PARD3B: variants seen among roughly 807,000 people sequenced by gnomAD.
The protein encoded by PARD3B is partitioning defective 3 homolog B.
In PARD3B, 103 loss-of-function variants were observed where a neutral mutation model predicts 130.2. The observed-to-expected ratio is 0.79, with a 90% CI of 0.67 to 0.93. The LOEUF (loss-of-function observed/expected upper bound fraction) is 0.93. Among genes scored for constraint, PARD3B ranks in the 40% least tolerant of loss-of-function variants. The pLI is 0.00. For missense variants in PARD3B, 1,609 were observed against 1,499.2 expected (o/e 1.07, Z -1.21); for synonymous variants, 583 against 553.2 (o/e 1.05, Z -0.76).
intron 15 of PARD3B, among the ~76,000 whole-genome samples, chr2:205,232,378 T>TA (rs1271056652): frequency 6.6e-6 from 1 of 152,136 alleles, no homozygotes; most frequent in African/African-American, 2.4e-5. Flanking sequence ...AAGGTTGTAG[T>TA]AAACTGTGAT....
chr2:204,804,125 G>T (rs1303693339), intron 2 of PARD3B, among the ~76,000 whole-genome samples: 1 of 152,174 alleles, frequency 6.6e-6, no homozygotes, highest in East Asian at 1.9e-4. Flanking sequence ...CTACTCAGGA[G>T]GCTGAGGTTA....
intron 2 of PARD3B, among the ~76,000 whole-genome samples, chr2:204,944,220 C>T (rs1384729711): frequency 6.6e-6 from 1 of 152,178 alleles, no homozygotes; most frequent in Non-Finnish European, 1.5e-5. Context: ...AAGCAGGACA[C>T]ATTTTTAAAG....
At chr2:204,618,770 G>A (rs561318470) in intron 1 of PARD3B, among the ~76,000 whole-genome samples, 1 of 152,214 alleles carries the variant, frequency 6.6e-6, no homozygotes, top group African/African-American at 2.4e-5. Flanking sequence ...AGGAAAAGTA[G>A]GACTGAACCC....
At chr2:204,564,748 G>C (rs959627422) in intron 1 of PARD3B, among the ~76,000 whole-genome samples, 1 of 152,074 alleles carries the variant, frequency 6.6e-6, no homozygotes, top group Non-Finnish European at 1.5e-5. Flanking sequence ...TTGCAATGTT[G>C]TTTTGATTTA....
chr2:204,822,513 G>A (rs964164248), intron 2 of PARD3B, among the ~76,000 whole-genome samples: 1 of 152,104 alleles, frequency 6.6e-6, no homozygotes, highest in Non-Finnish European at 1.5e-5. Flanking sequence ...AGGACTTTAA[G>A]GTTCAAATAA....
chr2:205,372,548 T>A (rs2044862475), intron 18 of PARD3B, among the ~76,000 whole-genome samples: 1 of 152,170 alleles, frequency 6.6e-6, no homozygotes, highest in Admixed American at 6.5e-5. Flanking sequence ...ATCTAAAAGG[T>A]AAATAATTGG....
intron 4 of PARD3B, among the ~76,000 whole-genome samples, chr2:205,076,937 A>G (rs991042246): frequency 5.3e-5 from 8 of 152,154 alleles, no homozygotes; most frequent in African/African-American, 1.9e-4. Context: ...GTAAACTACT[A>G]TTTCCTAAAT....
At chr2:205,039,072 G>A (rs182132810) in intron 3 of PARD3B, among the ~76,000 whole-genome samples, 28 of 145,800 alleles carry the variant, frequency 1.9e-4, no homozygotes, top group Non-Finnish European at 3.6e-4. Context: ...ATCATTACCA[G>A]TTTTTTTTTT....
At position 205,591,195 on chromosome 2, in the gene PARD3B, C is replaced by CAA. The variant is rs71410826; in HGVS notation, c.3261-24256_3261-24255dup. Among the ~76,000 whole-genome samples, 2 of 151,900 alleles carry CAA rather than the reference C, an allele frequency of 1.3e-5. No homozygotes were observed. Among genetic ancestry groups the CAA allele is most frequent in the Non-Finnish European group, 2.9e-5 (2 of 67,980 alleles). ...CATCTAGAATATAACTAGGACAAGACAAAAAACTGTTTAGAGAGAGTGTAC... is the reference window on the plus strand; with the variant it reads ...CATCTAGAATATAACTAGGACAAGACAAAAAAAACTGTTTAGAGAGAGTGTAC... On this transcript the variant is annotated intron_variant, in intron 22 of 22. Transcript: ENST00000406610. The surrounding 1 kb of genome is among the most constrained non-coding windows in gnomAD (Gnocchi z 4.2).
chr2:205,317,766 A>G (rs1422702093), intron 18 of PARD3B, among the ~76,000 whole-genome samples: 1 of 152,218 alleles, frequency 6.6e-6, no homozygotes, highest in Non-Finnish European at 1.5e-5. Context: ...AACCATATAC[A>G]ACAAATTTAA....
chr2:205,418,113 T>C (rs1477386675), intron 19 of PARD3B, among the ~76,000 whole-genome samples: 2 of 152,188 alleles, frequency 1.3e-5, no homozygotes, highest in Non-Finnish European at 2.9e-5. Context: ...AAGAAAAATG[T>C]GTATTTTGAT....
chr2:205,401,191 A>T, intron 19 of PARD3B, 68 bp downstream of exon 19: 1 of 1,225,402 alleles, frequency 8.2e-7, no homozygotes, highest in Non-Finnish European at 1.2e-6. Flanking sequence ...AGATATTGCA[A>T]CAGTCAACTG....
At chr2:205,247,681 G>A (rs946044714) in intron 16 of PARD3B, among the ~76,000 whole-genome samples, 74 of 151,838 alleles carry the variant, frequency 4.9e-4, no homozygotes, top group African/African-American at 1.8e-3. Flanking sequence ...GTTTTTCATT[G>A]GGCATCTGTA....
chr2:204,592,651 TA>T (rs879935767), intron 1 of PARD3B, among the ~76,000 whole-genome samples: 1 of 152,214 alleles, frequency 6.6e-6, no homozygotes, highest in Non-Finnish European at 1.5e-5. Flanking sequence ...ATTCACCCAT[TA>T]AAAAATGCAG....
rs1471150022 is a variant in PARD3B at position 204,545,538 on chromosome 2, C to A, written c.-462C>A. ...GGGAGCCGGCGCAAAAGTTTCCTCC[C>A]AACTCTGGCCCCGTGCGCCGCCGCC... On this transcript the variant is annotated 5_prime_UTR_variant, in exon 1 of 23. Coordinates refer to ENST00000406610, the MANE Select transcript of PARD3B (RefSeq NM_001302769.2). Among the ~76,000 whole-genome samples the A allele has an allele frequency of 2.0e-5, 3 of 151,962 alleles. No individual in the cohort carries two copies. Among genetic ancestry groups the A allele is most frequent in the Non-Finnish European group, 4.4e-5 (3 of 67,964 alleles).
chr2:205,385,860 C>T (rs1445668460), intron 18 of PARD3B, among the ~76,000 whole-genome samples: 1 of 152,060 alleles, frequency 6.6e-6, no homozygotes, highest in Non-Finnish European at 1.5e-5. Flanking sequence ...AAATTGGGAT[C>T]CCACAGCCTG....
chr2:205,085,732 C>T lies in PARD3B; in HGVS notation c.505-18694C>T, dbSNP rs567797866. Among the ~76,000 whole-genome samples the T allele has an allele frequency of 1.1e-3, 163 of 151,960 alleles. 1 individual carries two copies. Among genetic ancestry groups the T allele is most frequent in the Admixed American group, 9.4e-3 (144 of 15,254 alleles). Reference sequence around the variant, plus strand: ...TAGGTATTTTCCATCAAATTATTGGCCCTAAAACCTTTAGTGCTATTTTTA... The same window carrying T: ...TAGGTATTTTCCATCAAATTATTGGTCCTAAAACCTTTAGTGCTATTTTTA... On this transcript the variant is annotated intron_variant, in intron 4 of 22. Transcript: ENST00000406610.
rs780650990 is a variant in PARD3B at position 205,158,719 on chromosome 2, C to T, written c.1435-3C>T. ...ACTCTTTTCATGTGTATTCCCCTAACAGAAAGGAGAACCTGACTGCTGTGC... is the reference window on the plus strand; with the variant it reads ...ACTCTTTTCATGTGTATTCCCCTAATAGAAAGGAGAACCTGACTGCTGTGC... On this transcript the variant is annotated splice_polypyrimidine_tract_variant and splice_region_variant and intron_variant, in intron 10 of 22. Transcript: ENST00000406610. The surrounding 1 kb of genome is among the most constrained non-coding windows in gnomAD (Gnocchi z 5.4). 6.2e-7 allele frequency: 1 copy of T among 1,607,646 alleles called. No homozygotes were observed. Among genetic ancestry groups the T allele is most frequent in the East Asian group, 2.2e-5 (1 of 44,814 alleles).
chr2:205,332,827 A>G (rs2043186013), intron 18 of PARD3B, among the ~76,000 whole-genome samples: 1 of 152,112 alleles, frequency 6.6e-6, no homozygotes, highest in Admixed American at 6.5e-5. Context: ...AATTGATACT[A>G]TGTTTGTCTC....
Sources: gnomAD v4.1 joint callset for allele counts (sites outside exome capture counted in the v4.1 genomes callset) on GRCh38, gnomAD v4.1.1 for gene constraint, Gnocchi (gnomAD v3.1) non-coding constraint, MANE v1.5 for transcripts, NCBI Gene and HGNC (gene_info 2026-07-23, HGNC 2026-07-21) for gene names.